COL6A5: variants seen among roughly 807,000 people sequenced by gnomAD.
COL6A5 encodes the protein collagen type VI alpha 5 chain.
In COL6A5, 48 loss-of-function variants were observed where a neutral mutation model predicts 65.6. The observed-to-expected ratio is 0.73, with a 90% CI of 0.58 to 0.93. COL6A5 has a LOEUF of 0.93. Among genes scored for constraint, COL6A5 ranks in the 40% least tolerant of loss-of-function variants. The probability of loss-of-function intolerance (pLI) is 0.00; values close to 1 mark genes in which losing one functional copy is unlikely to be tolerated. For missense variants in COL6A5, 914 were observed against 928.3 expected (o/e 0.98, Z 0.20); for synonymous variants, 291 against 322.8 (o/e 0.90, Z 1.05).
At chr3:130,420,344 T>C (rs946954412) in intron 25 of COL6A5, among the ~76,000 whole-genome samples, 5 of 152,138 alleles carry the variant, frequency 3.3e-5, no homozygotes, top group African/African-American at 1.2e-4. Context: ...TTCATGTCAT[T>C]ACATTTTTCC....
At chr3:130,419,798 T>C (rs907665959) in intron 25 of COL6A5, among the ~76,000 whole-genome samples, 3 of 151,998 alleles carry the variant, frequency 2.0e-5, no homozygotes, top group Admixed American at 2.0e-4. Context: ...ATACAAAATT[T>C]CAATTAGAAA....
chr3:130,373,094 G>A (rs1440708867), intron 1 of COL6A5, among the ~76,000 whole-genome samples: 1 of 152,220 alleles, frequency 6.6e-6, no homozygotes, highest in Non-Finnish European at 1.5e-5. Context: ...TGAAGGAAGA[G>A]ACGTGTAGCT....
chr3:130,376,732 A>C (rs1013379929), exon 3 of COL6A5: 1 of 1,613,652 alleles, frequency 6.2e-7, no homozygotes, highest in Admixed American at 1.7e-5. Flanking sequence ...TTCCATTTCA[A>C]CCTTCGGACA....
At chr3:130,346,040 A>G in intron 1 of COL6A5, 59 bp downstream of exon 1, 1 of 398,594 alleles carries the variant, frequency 2.5e-6, no homozygotes, top group East Asian at 3.6e-5. Flanking sequence ...AACCTCGAGT[A>G]GACAGGTGGA....
At chr3:130,425,811 G>A (rs1441923083) in intron 29 of COL6A5, among the ~76,000 whole-genome samples, 1 of 152,070 alleles carries the variant, frequency 6.6e-6, no homozygotes, top group Non-Finnish European at 1.5e-5. Flanking sequence ...CTGTTCCTCT[G>A]AATTCCCAAT....
chr3:130,469,343 C>A, exon 6 of COL6A5: 1 of 1,612,794 alleles, frequency 6.2e-7, no homozygotes, highest in Non-Finnish European at 8.5e-7. Flanking sequence ...TTCCTTTGGC[C>A]CTAAACACAA....
upstream of COL6A5, chr3:130,429,726 G>C: frequency 1.5e-6 from 1 of 649,016 alleles, no homozygotes. Context: ...GATTATGACT[G>C]TAATTGTCAG....
exon 6 of COL6A5, chr3:130,389,080 G>C (rs1198783061): frequency 6.8e-7 from 1 of 1,477,810 alleles, no homozygotes; most frequent in African/African-American, 1.4e-5. Context: ...TGAGAACTTC[G>C]ATCATCTAAA....
chr3:130,477,573 A>G (rs975837629), intron 7 of COL6A5, among the ~76,000 whole-genome samples: 1 of 152,064 alleles, frequency 6.6e-6, no homozygotes, highest in African/African-American at 2.4e-5. Flanking sequence ...TTTTTCCAAT[A>G]TCAACTGTAG....
At chr3:130,454,380 TCA>T (rs1333593159) in intron 4 of COL6A5, among the ~76,000 whole-genome samples, 2 of 152,204 alleles carry the variant, frequency 1.3e-5, no homozygotes, top group Non-Finnish European at 2.9e-5. Flanking sequence ...GCAAAATTAT[TCA>T]CACAGTGTGC....
intron 1 of COL6A5, among the ~76,000 whole-genome samples, chr3:130,347,810 T>A (rs2107608471): frequency 6.6e-6 from 1 of 152,318 alleles, no homozygotes; most frequent in Middle Eastern, 3.4e-3. Flanking sequence ...GCTTTGATGA[T>A]GCCCCTGTCA....
chr3:130,434,961 A>G (rs1937979839), intron 1 of COL6A5, among the ~76,000 whole-genome samples: 1 of 152,072 alleles, frequency 6.6e-6, no homozygotes, highest in Non-Finnish European at 1.5e-5. Flanking sequence ...CCATTTGTCA[A>G]TTTTGGCTTT....
Position 130,457,300 on chromosome 3 carries a change from A to C in COL6A5, c.1544+1634A>C, listed in dbSNP as rs181430283. On this transcript the variant is annotated intron_variant, in intron 5 of 7. Transcript: ENST00000512836. ...TGTGATAGCTTTGTTAGAGCTAAGC[A>C]TTCCAAAGTCTGGTAATTTAGAAGC... 7.1e-4 allele frequency among the ~76,000 whole-genome samples: 108 copies of C among 152,252 alleles called. 1 individual carries two copies. The East Asian group carries it at 0.011, about 16-fold the overall frequency.
At chr3:130,414,676 A>T (rs907267520) in intron 22 of COL6A5, among the ~76,000 whole-genome samples, 2 of 152,020 alleles carry the variant, frequency 1.3e-5, no homozygotes, top group African/African-American at 4.8e-5. Flanking sequence ...ACAGAAGGGG[A>T]AGCTGTGGTC....
intron 1 of COL6A5, among the ~76,000 whole-genome samples, chr3:130,363,688 T>G (rs1409141722): frequency 6.6e-6 from 1 of 152,230 alleles, no homozygotes; most frequent in Non-Finnish European, 1.5e-5. Flanking sequence ...TTCTTTTATC[T>G]TTACTGTGAG....
At chr3:130,455,777 T>TAAAA in intron 5 of COL6A5, 111 bp downstream of exon 37, 1 of 779,236 alleles carries the variant, frequency 1.3e-6, no homozygotes. Flanking sequence ...CAACTTTTTT[T>TAAAA]AAAGTTCATT....
In COL6A5 at chr3:130,439,460, T is replaced by A. The variant is rs1709117252; in HGVS notation, c.488-62T>A. 6.6e-6 allele frequency: 8 copies of A among 1,205,360 alleles called. No homozygotes were observed. In the East Asian group the frequency reaches 1.8e-4, roughly 27 times the overall value. 74.7% of individuals were successfully genotyped at this position (1,205,360 alleles called of 1,614,324 possible). On this transcript the variant is annotated intron_variant, in intron 1 of 7. Coordinates refer to ENST00000512836, the Ensembl canonical transcript of COL6A5. ...GTGTTTTTTAAACTAATCCTTAAAG[T>A]GGTTTCCTACTAGTGACTAAAAACA... is the stretch of plus-strand genomic sequence containing the variant.
At chr3:130,441,810 C>A (rs1367112088) in intron 3 of COL6A5, among the ~76,000 whole-genome samples, 2 of 152,162 alleles carry the variant, frequency 1.3e-5, no homozygotes, top group Admixed American at 6.6e-5. Context: ...AAGAATAATA[C>A]ATCCCCAAAA....
At chr3:130,479,530 TATC>T (rs1710186643) in intron 7 of COL6A5, among the ~76,000 whole-genome samples, 1 of 152,072 alleles carries the variant, frequency 6.6e-6, no homozygotes, top group African/African-American at 2.4e-5. Flanking sequence ...CATAGTAAGA[TATC>T]ATCACAGGAA....
Sources: gnomAD v4.1 joint callset for allele counts (sites outside exome capture counted in the v4.1 genomes callset) on GRCh38, gnomAD v4.1.1 for gene constraint, MANE v1.5 for transcripts, NCBI Gene and HGNC (gene_info 2026-07-23, HGNC 2026-07-21) for gene names.